MYH7: variants seen among roughly 807,000 people sequenced by gnomAD.
MYH7 encodes the protein myosin-7.
MYH7 carries 129 observed loss-of-function variants against 225.4 expected under a neutral mutation model. The ratio of observed to expected loss-of-function variants is 0.57; its 90% CI spans 0.50 to 0.66. The LOEUF (loss-of-function observed/expected upper bound fraction) is 0.66. Among genes scored for constraint, MYH7 ranks in the 30% least tolerant of loss-of-function variants. The pLI, the probability that MYH7 is intolerant of heterozygous loss-of-function variation, is 0.00. For missense variants in MYH7, 1,649 were observed against 2,517.0 expected (o/e 0.66, Z 7.38); for synonymous variants, 971 against 1,007.6 (o/e 0.96, Z 0.69).
rs121913629 is a variant in MYH7 at position 23,423,984 on chromosome 14, C to T, written c.2845G>A (p.Glu949Lys). The change falls in exon 23 of 40, where the codon GAG becomes AAG. Residue 949 changes from glutamate to lysine, a missense_variant. Transcript: ENST00000355349. ...AGATCATCGATGTCCCTTTTGAGCT[C>T]TGAGCACTCATCTTCCAGCTTGCGC... ...KKRKLEDECS[E>K]LKRDIDDLEL... The T allele has an allele frequency of 6.2e-7, 1 of 1,614,264 alleles. No homozygotes were observed. The highest frequency in any genetic ancestry group is 8.5e-7 in the Non-Finnish European group (1 of 1,180,046).
In MYH7 at chr14:23,418,358, C is replaced by T. The variant is rs746724436; in HGVS notation, c.4021G>A (p.Asp1341Asn). The change falls in exon 30 of 40, where the codon GAC becomes AAC. Residue 1341 changes from aspartate (D) to asparagine (N), a missense_variant. Asp to Asn is a conservative substitution (Grantham distance 23). Coordinates refer to ENST00000355349, the MANE Select transcript of MYH7 (RefSeq NM_000257.4). ...HALQSARHDC[D>N]LLREQYEEET... ...TCCTCGTACTGCTCCCGCAGCAGGT[C>T]GCAGTCATGCCGGGCCGACTGCAGT... 28 of 1,613,640 alleles carry T rather than the reference C, an allele frequency of 1.7e-5. No individual in the cohort carries two copies. The highest frequency in any genetic ancestry group is 2.1e-5 in the Non-Finnish European group (25 of 1,179,850).
chr14:23,426,716 A>T, intron 18 of MYH7, 61 bp downstream of exon 18: 5 of 1,446,618 alleles, frequency 3.5e-6, no homozygotes, highest in Non-Finnish European at 4.9e-6. Flanking sequence ...ATGTCCTAGG[A>T]GGTCCTGTTC....
chr14:23,419,771 G>A, intron 27 of MYH7, 74 bp downstream of exon 27: 1 of 1,613,348 alleles, frequency 6.2e-7, no homozygotes, highest in Non-Finnish European at 8.5e-7. Context: ...AACCATGAAG[G>A]AAGAGACACT....
At position 23,425,321 on chromosome 14, in the gene MYH7, A is replaced by T; in HGVS notation, c.2384T>A (p.Val795Glu). The T allele has an allele frequency of 6.2e-7, 1 of 1,614,098 alleles. No individual in the cohort carries two copies. The highest frequency in any genetic ancestry group is 8.5e-7 in the Non-Finnish European group (1 of 1,180,028). ...ITRIQAQSRG[V>E]LARMEYKKLL... ...CTTTTTGTACTCCATTCTGGCGAGC[A>T]CACCTCGGGACTGGGCCTGGATACG... The change falls in exon 21 of 40, where the codon GTG (valine) becomes GAG (glutamate). Residue 795 changes from valine (V) to glutamate (E), a missense_variant. By Grantham distance (121) the Val-to-Glu change is moderately radical (BLOSUM62 -2). Transcript: ENST00000355349. The surrounding 1 kb of genome is among the most constrained non-coding windows in gnomAD (Gnocchi z 4.6).
rs1892160204 is a variant in MYH7, at chr14:23,415,559, T to C, written c.5158-53A>G. 6.2e-7 allele frequency: 1 copy of C among 1,614,030 alleles called. No homozygotes were observed. Among genetic ancestry groups the C allele is most frequent in the Non-Finnish European group, 8.5e-7 (1 of 1,180,030 alleles). ...AGGAAAAGCATTGAGCATCTATGCA[T>C]AGCTCTCAAGCCTTGCTTGCTGAGC... On this transcript the variant is annotated intron_variant, in intron 35 of 39. Transcript: ENST00000355349. The surrounding 1 kb of genome is among the most constrained non-coding windows in gnomAD (Gnocchi z 6.3).
chr14:23,427,307 G>A lies in MYH7; in HGVS notation c.1889C>T (p.Pro630Leu), dbSNP rs1216277671. Reference sequence around the variant, plus strand: ...GGCCTTGCCTTTGCCCTTCTCAATAGCTGCAGGAAGGAGAGTCAACAAAAG... The same window carrying A: ...GGCCTTGCCTTTGCCCTTCTCAATAACTGCAGGAAGGAGAGTCAACAAAAG... ...LFANYAGADA[P>L]IEKGKGKAKK... The change falls in exon 17 of 40, where the codon CCT becomes CTT. Residue 630 changes from proline (P) to leucine (L), a missense_variant and splice_region_variant. By Grantham distance (98) the Pro-to-Leu change is moderately conservative. This residue lies in a region of MYH7 where 112 missense variants were observed against 161.9 expected (regional missense o/e 0.69). Coordinates refer to ENST00000355349, the MANE Select transcript of MYH7 (RefSeq NM_000257.4). The A allele has an allele frequency of 1.2e-6, 2 of 1,614,086 alleles. No individual in the cohort carries two copies. The highest frequency in any genetic ancestry group is 2.2e-5 in the South Asian group (2 of 91,076).
In MYH7 at chr14:23,423,551, TC is replaced by T; in HGVS notation, c.3094del (p.Asp1032MetfsTer28). 3 of 1,605,570 alleles carry T rather than the reference TC, an allele frequency of 1.9e-6. No individual in the cohort carries two copies. Among genetic ancestry groups the T allele is most frequent in the Non-Finnish European group, 2.6e-6 (3 of 1,174,812 alleles). ...CACAACTCTCAATCTACTCACATCA[TC>T]CACTTGCTGCTCCAGCTTGACTTTG... is the stretch of plus-strand genomic sequence containing the variant. ...KAKVKLEQQVDDLEGSLEQEK... is the reference protein window; with the variant it reads ...KAKVKLEQQVXDLEGSLEQEK... On this transcript the variant is annotated frameshift_variant, in exon 24 of 40. Transcript: ENST00000355349. LOFTEE classifies it high-confidence loss of function.
chr14:23,415,837 G>A lies in MYH7; in HGVS notation c.4954-5C>T, dbSNP rs962469283. 4 of 1,614,230 alleles carry A rather than the reference G, an allele frequency of 2.5e-6. No homozygotes were observed. The highest frequency in any genetic ancestry group is 3.4e-6 in the Non-Finnish European group (4 of 1,180,036). On this transcript the variant is annotated splice_polypyrimidine_tract_variant and splice_region_variant and intron_variant, in intron 34 of 39. Coordinates refer to ENST00000355349, the MANE Select transcript of MYH7 (RefSeq NM_000257.4). The surrounding 1 kb of genome is among the most constrained non-coding windows in gnomAD (Gnocchi z 6.3). ...GTCCAGCTGAATCTGGGTGTCCTGA[G>A]GATCAGGAGAGTGGGCATGAGCAGG...
At chr14:23,432,455 G>C (rs769251255) in intron 6 of MYH7, 24 bp downstream of exon 6, 4 of 1,613,966 alleles carry the variant, frequency 2.5e-6, no homozygotes, top group South Asian at 2.2e-5. Context: ...TTCTGAAAGG[G>C]AATACAGTAG....
chr14:23,433,503 G>A lies in MYH7; in HGVS notation c.201+29C>T, dbSNP rs1386512654. 1.2e-6 allele frequency: 2 copies of A among 1,610,578 alleles called. No homozygotes were observed. The highest frequency in any genetic ancestry group is 1.1e-5 in the South Asian group (1 of 90,946). On this transcript the variant is annotated intron_variant, in intron 3 of 39. Transcript: ENST00000355349. The surrounding 1 kb of genome is among the most constrained non-coding windows in gnomAD (Gnocchi z 4.1). The stretch of plus-strand genomic sequence containing the variant: ...CCACCCAGGTGTACAGGTGGCCAGG[G>A]TGGACTCTCACATCAGCCTGACACC...
At chr14:23,418,796 T>C (rs1414693545) in intron 29 of MYH7, among the ~76,000 whole-genome samples, 1 of 152,188 alleles carries the variant, frequency 6.6e-6, no homozygotes, top group Non-Finnish European at 1.5e-5. Context: ...TCCTTTTTCA[T>C]GAGTCCAGCA....
chr14:23,414,961 C>T (rs762690323), intron 37 of MYH7, 34 bp downstream of exon 37: 2 of 1,602,562 alleles, frequency 1.2e-6, no homozygotes, highest in East Asian at 4.5e-5. Flanking sequence ...GGCTATGGTG[C>T]CAGGGCTCTG....
intron 17 of MYH7, 135 bp downstream of exon 17, chr14:23,427,105 G>C (rs1203127461): frequency 3.3e-6 from 3 of 913,306 alleles, no homozygotes; most frequent in South Asian, 1.4e-5. Flanking sequence ...AGAGAAGACA[G>C]AGTGAAAATG....
chr14:23,413,268 A>C (rs1892045438), intron 39 of MYH7, among the ~76,000 whole-genome samples: 1 of 152,156 alleles, frequency 6.6e-6, no homozygotes, highest in Non-Finnish European at 1.5e-5. Context: ...CTAAGGCTGA[A>C]ATTCCCAGAA....
At position 23,417,163 on chromosome 14, in the gene MYH7, T is replaced by C; in HGVS notation, c.4509A>G (p.Lys1503=). 6.2e-7 allele frequency: 1 copy of C among 1,614,078 alleles called. No individual in the cohort carries two copies. ...EHLETFKREN[K]NLQEEISDLT... ...GGGCCCCCAGCACACCCTGCAGGTTTTTGTTCTCCCGCTTGAAGGTCTCCA... is the reference window on the plus strand; with the variant it reads ...GGGCCCCCAGCACACCCTGCAGGTTCTTGTTCTCCCGCTTGAAGGTCTCCA... The change falls in exon 32 of 40, where the codon AAA becomes AAG. Residue 1503 remains lysine (K), a synonymous_variant. Coordinates refer to ENST00000355349, the MANE Select transcript of MYH7 (RefSeq NM_000257.4).
At chr14:23,424,180 C>CA (rs34399279) in intron 22 of MYH7, 31 bp from the exon 23 acceptor site, 1 of 1,613,596 alleles carries the variant, frequency 6.2e-7, no homozygotes, top group African/African-American at 1.3e-5. Context: ...GGAGGCTGTT[C>CA]AGGGGGTAAG....
rs1893024379 is a variant in MYH7, at chr14:23,433,340, G to A, written c.202-113C>T. On this transcript the variant is annotated intron_variant, in intron 3 of 39. Coordinates refer to ENST00000355349, the MANE Select transcript of MYH7 (RefSeq NM_000257.4). This position sits in a 1 kb window ranked among gnomAD's most constrained non-coding sequence, Gnocchi z 4.1. ...ATAGTGCTCAAGAGAGAAGGAACCAGGATCTCACAGGGAAGACAGAAGGGA... is the reference window on the plus strand; with the variant it reads ...ATAGTGCTCAAGAGAGAAGGAACCAAGATCTCACAGGGAAGACAGAAGGGA... The A allele has an allele frequency of 2.0e-6, 3 of 1,517,500 alleles. No homozygotes were observed. The highest frequency in any genetic ancestry group is 2.7e-5 in the African/African-American group (2 of 73,034). The allele number at this position is 1,517,500 out of a possible 1,614,324, so 94.0% of individuals were successfully genotyped here.
Position 23,416,067 on chromosome 14 carries a change from G to A in MYH7, c.4890C>T (p.Ser1630=), listed in dbSNP as rs1378184837. Residue 1630 remains serine, a synonymous_variant, in exon 34 of 40, where the codon AGC becomes AGT. Transcript: ENST00000355349. The stretch of plus-strand genomic sequence containing the variant: ...CCTCGGCGGCCATGCGGTTGGCGTG[G>A]CTGAGCTGGATCTCCATCTCATTGA... ...GDLNEMEIQL[S]HANRMAAEAQ... The A allele has an allele frequency of 3.7e-6, 6 of 1,614,098 alleles. No homozygotes were observed. Among genetic ancestry groups the A allele is most frequent in the Non-Finnish European group, 4.2e-6 (5 of 1,180,054 alleles).
At chr14:23,420,641 A>G (rs941193875) in intron 26 of MYH7, among the ~76,000 whole-genome samples, 1 of 152,236 alleles carries the variant, frequency 6.6e-6, no homozygotes, top group Non-Finnish European at 1.5e-5. Flanking sequence ...AGGACTCTTA[A>G]AAACCTCCAT....
Sources: gnomAD v4.1 joint callset for allele counts (sites outside exome capture counted in the v4.1 genomes callset) on GRCh38, gnomAD v4.1.1 for gene constraint, gnomAD v4.1.1 regional missense constraint, Gnocchi (gnomAD v3.1) non-coding constraint, MANE v1.5 for transcripts, NCBI Gene and HGNC (gene_info 2026-07-23, HGNC 2026-07-21) for gene names.